S100Z: variants seen among roughly 807,000 people sequenced by gnomAD.
S100Z encodes the protein protein S100-Z.
S100Z carries 11 observed loss-of-function variants against 8.5 expected under a neutral mutation model. The observed-to-expected ratio is 1.30, with a 90% confidence interval of 0.82 to 2.15. The LOEUF is 2.15. Among genes scored for constraint, S100Z ranks in the 30% most tolerant of loss-of-function variants. The probability of loss-of-function intolerance (pLI) is 0.00; values close to 1 mark genes in which losing one functional copy is unlikely to be tolerated. For synonymous variants in S100Z, 34 were observed against 43.8 expected, an observed-to-expected ratio of 0.78 and a Z score of 0.89; for missense variants, 126 against 117.9, an observed-to-expected ratio of 1.07 and a Z score of -0.32.
chr5:76,860,828 T>C (rs1169807026), intron 1 of S100Z, among the ~76,000 whole-genome samples: 1 of 152,214 alleles, frequency 6.6e-6, no homozygotes, highest in Non-Finnish European at 1.5e-5. Context: ...CAGCGCCTTC[T>C]CCTGTAAGAG....
intron 2 of S100Z, among the ~76,000 whole-genome samples, chr5:76,872,438 G>T (rs931395997): frequency 1.3e-5 from 2 of 152,124 alleles, no homozygotes; most frequent in East Asian, 1.9e-4. Flanking sequence ...AAGGCAGGAG[G>T]ATCACTTGAG....
intron 4 of S100Z, among the ~76,000 whole-genome samples, chr5:76,898,810 A>T (rs556811626): frequency 6.6e-6 from 1 of 152,140 alleles, no homozygotes; most frequent in East Asian, 1.9e-4. Flanking sequence ...TGGGCCTCAT[A>T]GAATTAGTTT....
chr5:76,898,359 G>A (rs1744110492), intron 4 of S100Z, among the ~76,000 whole-genome samples: 1 of 151,972 alleles, frequency 6.6e-6, no homozygotes, highest in South Asian at 2.1e-4. Flanking sequence ...ATGTTGGTCA[G>A]GCCGGTCTTG....
At chr5:76,950,105 G>A in the S100Z span, among the ~76,000 whole-genome samples, 1 of 152,112 alleles carries the variant, frequency 6.6e-6, no homozygotes. Flanking sequence ...CTTAAAGAAC[G>A]CAATGATATG....
At chr5:76,886,747 G>A (rs1743653099) in intron 4 of S100Z, among the ~76,000 whole-genome samples, 1 of 152,172 alleles carries the variant, frequency 6.6e-6, no homozygotes, top group Admixed American at 6.5e-5. Flanking sequence ...AGGCGGTGGA[G>A]TTAGGAGCAA....
chr5:76,871,520 CTTTTTTTTT>C (rs565094996), intron 2 of S100Z, among the ~76,000 whole-genome samples: 1 of 125,126 alleles, frequency 8.0e-6, no homozygotes, highest in Non-Finnish European at 1.7e-5. Context: ...ATCAGAAACT[CTTTTTTTTT>C]TTTTTTTTTT....
In S100Z at chr5:76,897,563, T is replaced by G. The variant is rs376608403; in HGVS notation, c.*2+19729T>G. 3.9e-5 allele frequency among the ~76,000 whole-genome samples: 6 copies of G among 152,114 alleles called. No individual in the cohort carries two copies. In the East Asian group the frequency reaches 7.7e-4, roughly 19 times the overall value. ...TAAGGATTGCATTGAATCCATAGAT[T>G]GCTTTGGCTAGTATAGACATTTTAA... is the stretch of plus-strand genomic sequence containing the variant. On this transcript the variant is annotated intron_variant, in intron 4 of 4. Coordinates refer to ENST00000317593, the MANE Select transcript of S100Z (RefSeq NM_130772.4).
chr5:76,909,091 T>G (rs1561248473), intron 4 of S100Z, among the ~76,000 whole-genome samples: 1 of 152,164 alleles, frequency 6.6e-6, no homozygotes, highest in Non-Finnish European at 1.5e-5. Context: ...CATTGTGGGT[T>G]CTTGGACAAG....
chr5:76,892,563 A>C (rs531370395), intron 4 of S100Z, among the ~76,000 whole-genome samples: 64 of 152,328 alleles, frequency 4.2e-4, no homozygotes, highest in South Asian at 1.0e-3. Context: ...CAAAATCACA[A>C]GAACATCTGT....
At chr5:76,886,785 C>A (rs769860318) in intron 4 of S100Z, among the ~76,000 whole-genome samples, 18 of 152,008 alleles carry the variant, frequency 1.2e-4, no homozygotes, top group African/African-American at 4.1e-4. Context: ...GTGGATCTCA[C>A]GAAGTACATT....
downstream of S100Z, among the ~76,000 whole-genome samples, chr5:76,923,979 G>C (rs1745090811): frequency 6.6e-6 from 1 of 152,106 alleles, no homozygotes; most frequent in African/African-American, 2.4e-5. Context: ...GTTCTCCGAA[G>C]ATCCCTGATC....
chr5:76,894,855 C>A (rs1743981269), intron 4 of S100Z, among the ~76,000 whole-genome samples: 1 of 152,060 alleles, frequency 6.6e-6, no homozygotes, highest in Non-Finnish European at 1.5e-5. Context: ...TCCCAAAGTC[C>A]TGGGATTACA....
At chr5:76,938,520 C>T in the S100Z span, among the ~76,000 whole-genome samples, 1 of 152,284 alleles carries the variant, frequency 6.6e-6, no homozygotes, top group East Asian at 1.9e-4. Context: ...GCTTCTGAAG[C>T]CTTCACTTGG....
At chr5:76,947,407 T>C in the S100Z span, among the ~76,000 whole-genome samples, 2 of 152,250 alleles carry the variant, frequency 1.3e-5, no homozygotes, top group African/African-American at 4.8e-5. Flanking sequence ...GGCTATGTGC[T>C]TCGTTTCTTC....
intron 4 of S100Z, among the ~76,000 whole-genome samples, chr5:76,913,509 T>C (rs769391339): frequency 1.5e-4 from 23 of 152,186 alleles, no homozygotes; most frequent in Non-Finnish European, 2.9e-4. Context: ...TCTATACCAA[T>C]TCTAAGTTAA....
intron 4 of S100Z, among the ~76,000 whole-genome samples, chr5:76,919,563 CCTTT>C (rs1744970302): frequency 1.5e-5 from 1 of 64,606 alleles, no homozygotes; most frequent in Non-Finnish European, 2.9e-5. Flanking sequence ...TTCCTTCCTT[CCTTT>C]CTCTCTCTCT....
chr5:76,941,188 T>C, the S100Z span, among the ~76,000 whole-genome samples: 7 of 152,206 alleles, frequency 4.6e-5, no homozygotes, highest in Non-Finnish European at 7.3e-5. Flanking sequence ...TTTTTTCGTT[T>C]TGACATAGTG....
intron 4 of S100Z, among the ~76,000 whole-genome samples, chr5:76,912,088 T>TTCGC (rs1554040039): frequency 1.4e-5 from 1 of 70,152 alleles, no homozygotes; most frequent in African/African-American, 1.0e-4. Context: ...AGTTGCGGCG[T>TTCGC]TGGCTTAGTG....
chr5:76,881,561 T>C (rs1042741318), intron 4 of S100Z, among the ~76,000 whole-genome samples: 1 of 152,122 alleles, frequency 6.6e-6, no homozygotes, highest in Non-Finnish European at 1.5e-5. Context: ...ATTTCCATGA[T>C]GGAAAGGAAA....
Sources: gnomAD v4.1 joint callset for allele counts (sites outside exome capture counted in the v4.1 genomes callset) on GRCh38, gnomAD v4.1.1 for gene constraint, MANE v1.5 for transcripts, NCBI Gene and HGNC (gene_info 2026-07-23, HGNC 2026-07-21) for gene names.